GABRG3: variants seen among roughly 807,000 people sequenced by gnomAD.
The protein encoded by GABRG3 is gamma-aminobutyric acid type A receptor subunit gamma3, also known as gamma-aminobutyric acid receptor subunit gamma-3.
GABRG3 carries 25 observed loss-of-function variants against 48.8 expected under a neutral mutation model. The ratio of observed to expected loss-of-function variants is 0.51; its 90% CI spans 0.37 to 0.72. GABRG3 has a LOEUF of 0.72. Among genes scored for constraint, GABRG3 ranks in the 30% least tolerant of loss-of-function variants. The pLI is 0.00. For missense variants in GABRG3, 394 were observed against 577.9 expected, an observed-to-expected ratio of 0.68 and a Z score of 3.26; for synonymous variants, 227 against 217.6, an observed-to-expected ratio of 1.04 and a Z score of -0.38.
Position 27,307,831 on chromosome 15 carries a change from C to CATATAAAATAAACATGTTTATATATAAAT in GABRG3, c.271-18973_271-18972insAAATAAACATGTTTATATATAAATATATA, listed in dbSNP as rs1892706462. Reference sequence around the variant, plus strand: ...TAAACATATATAAAATAAACATAAACATATATAAAATAAACATGTTTATAT... The same window carrying CATATAAAATAAACATGTTTATATATAAAT: ...TAAACATATATAAAATAAACATAAACATATAAAATAAACATGTTTATATATAAATATATATAAAATAAACATGTTTATAT... On this transcript the variant is annotated intron_variant, in intron 3 of 9. Transcript: ENST00000615808. Among the ~76,000 whole-genome samples the CATATAAAATAAACATGTTTATATATAAAT allele has an allele frequency of 1.8e-4, 19 of 107,662 alleles. 1 individual carries two copies. Among genetic ancestry groups the CATATAAAATAAACATGTTTATATATAAAT allele is most frequent in the Admixed American group, 3.1e-4 (3 of 9,788 alleles). The allele number at this position is 107,662 out of a possible 152,430, so 70.6% of individuals were successfully genotyped here.
At chr15:27,212,205 G>T (rs1043344034) in intron 3 of GABRG3, among the ~76,000 whole-genome samples, 1 of 152,204 alleles carries the variant, frequency 6.6e-6, no homozygotes, top group Non-Finnish European at 1.5e-5. Context: ...AAGTGATTAC[G>T]GAAGCAGTAG....
intron 3 of GABRG3, among the ~76,000 whole-genome samples, chr15:27,256,178 C>G (rs565864204): frequency 2.0e-5 from 3 of 152,232 alleles, no homozygotes; most frequent in Admixed American, 6.5e-5. Context: ...TGTGGTGGCT[C>G]ATGCCTGTAA....
At chr15:27,186,234 C>A (rs143712846) in intron 3 of GABRG3, among the ~76,000 whole-genome samples, 80 of 152,100 alleles carry the variant, frequency 5.3e-4, no homozygotes, top group African/African-American at 1.9e-3. Context: ...TCCATGCGTC[C>A]TCTTACTTAT....
At chr15:27,257,194 T>C (rs1293822160) in intron 3 of GABRG3, among the ~76,000 whole-genome samples, 3 of 150,998 alleles carry the variant, frequency 2.0e-5, no homozygotes, top group Admixed American at 6.6e-5. Context: ...ATAAACCTGT[T>C]GGCCATTTTT....
At chr15:27,306,198 A>ATAATATAAACATATG (rs976196080) in intron 3 of GABRG3, among the ~76,000 whole-genome samples, 1 of 133,394 alleles carries the variant, frequency 7.5e-6, no homozygotes, top group Non-Finnish European at 1.6e-5. Flanking sequence ...AAACATATTT[A>ATAATATAAACATATG]TAATATAAAC....
At chr15:27,431,723 A>C (rs1215827766) in intron 5 of GABRG3, among the ~76,000 whole-genome samples, 3 of 152,038 alleles carry the variant, frequency 2.0e-5, no homozygotes, top group African/African-American at 7.2e-5. Context: ...TTTTTCATGA[A>C]TGTGTGTTTG....
At chr15:27,034,344 C>A (rs1896138659) in intron 3 of GABRG3, among the ~76,000 whole-genome samples, 1 of 152,098 alleles carries the variant, frequency 6.6e-6, no homozygotes, top group Non-Finnish European at 1.5e-5. Context: ...ATTAAGAAGT[C>A]TGCCCATGGC....
At chr15:27,306,504 T>C (rs1595658521) in intron 3 of GABRG3, among the ~76,000 whole-genome samples, 1 of 138,882 alleles carries the variant, frequency 7.2e-6, no homozygotes, top group East Asian at 2.2e-4. Context: ...TAAACATATG[T>C]CTATATATAA....
chr15:27,441,687 C>A (rs1231185757), intron 5 of GABRG3, among the ~76,000 whole-genome samples: 2 of 152,152 alleles, frequency 1.3e-5, no homozygotes, highest in Admixed American at 6.5e-5. Context: ...TTGGGGGAGG[C>A]AGGACAGGCC....
At chr15:27,387,258 T>A (rs918948592) in intron 5 of GABRG3, among the ~76,000 whole-genome samples, 3 of 152,138 alleles carry the variant, frequency 2.0e-5, no homozygotes, top group Admixed American at 6.5e-5. Flanking sequence ...TTCACGTTTT[T>A]TTTTTTATTT....
At chr15:27,042,231 C>G (rs888306108) in intron 3 of GABRG3, among the ~76,000 whole-genome samples, 1 of 152,272 alleles carries the variant, frequency 6.6e-6, no homozygotes, top group South Asian at 2.1e-4. Context: ...GAGAAGCTCC[C>G]GAATCCCCAC....
At chr15:27,219,340 C>A (rs1277305075) in intron 3 of GABRG3, among the ~76,000 whole-genome samples, 2 of 152,168 alleles carry the variant, frequency 1.3e-5, no homozygotes, top group Non-Finnish European at 2.9e-5. Flanking sequence ...TAGGCAGAGT[C>A]CAATTTGGGC....
chr15:27,010,839 T>G (rs893150025), intron 2 of GABRG3, among the ~76,000 whole-genome samples: 6 of 152,078 alleles, frequency 3.9e-5, no homozygotes, highest in African/African-American at 1.4e-4. Context: ...TTGTTTTTGT[T>G]TGTTTGTTTG....
intron 3 of GABRG3, among the ~76,000 whole-genome samples, chr15:27,049,840 CAT>C (rs1201052382): frequency 6.6e-6 from 1 of 152,200 alleles, no homozygotes; most frequent in Non-Finnish European, 1.5e-5. Context: ...GATGAAAGGT[CAT>C]ATCCACCTGT....
At chr15:27,460,930 G>A (rs990898676) in intron 5 of GABRG3, among the ~76,000 whole-genome samples, 23 of 152,124 alleles carry the variant, frequency 1.5e-4, no homozygotes, top group African/African-American at 5.3e-4. Flanking sequence ...GGAATATCCC[G>A]CAAAGGGACT....
chr15:27,162,328 G>T (rs554813597), intron 3 of GABRG3, among the ~76,000 whole-genome samples: 7 of 152,304 alleles, frequency 4.6e-5, no homozygotes, highest in South Asian at 4.1e-4. Flanking sequence ...GAAGGAGGTG[G>T]TAAGGGGAAA....
chr15:27,239,352 G>A (rs1173363964), intron 3 of GABRG3, among the ~76,000 whole-genome samples: 1 of 152,136 alleles, frequency 6.6e-6, no homozygotes, highest in Non-Finnish European at 1.5e-5. Context: ...TGCTCTGTTT[G>A]TCAAGGTTTT....
At position 27,307,932 on chromosome 15, in the gene GABRG3, T is replaced by C. The variant is rs544570448; in HGVS notation, c.271-18877T>C. Among the ~76,000 whole-genome samples, 119 of 131,950 alleles carry C rather than the reference T, an allele frequency of 9.0e-4. No individual in the cohort carries two copies. The South Asian group carries it at 0.02, about 22-fold the overall frequency. 86.6% of individuals were successfully genotyped at this position (131,950 alleles called of 152,430 possible). A position where few individuals can be genotyped will look rare whatever the true frequency, so the allele number is the denominator to read the frequency against. On this transcript the variant is annotated intron_variant, in intron 3 of 9. Transcript: ENST00000615808. ...ACATGTTTATATATAAACATATGCT[T>C]GTATATAAACATATATGTAAAATAA... is the stretch of plus-strand genomic sequence containing the variant.
At chr15:27,282,929 A>C (rs2140480776) in intron 3 of GABRG3, among the ~76,000 whole-genome samples, 1 of 152,230 alleles carries the variant, frequency 6.6e-6, no homozygotes, top group South Asian at 2.1e-4. Context: ...CATTCCTAAC[A>C]GAAGGTGGTG....
Sources: gnomAD v4.1 joint callset for allele counts (sites outside exome capture counted in the v4.1 genomes callset) on GRCh38, gnomAD v4.1.1 for gene constraint, MANE v1.5 for transcripts, NCBI Gene and HGNC (gene_info 2026-07-23, HGNC 2026-07-21) for gene names.